Variants in ZNF436 observed in about 807,000 individuals in gnomAD.
The protein encoded by ZNF436 is zinc finger protein 436, also known as DNA-binding protein.
ZNF436 carries 22 observed loss-of-function variants against 41.9 expected under a neutral mutation model. That is an observed-to-expected ratio of 0.53 (90% CI 0.38 to 0.75). The LOEUF (loss-of-function observed/expected upper bound fraction) is 0.75. Among genes scored for constraint, ZNF436 ranks in the 30% least tolerant of loss-of-function variants. The probability of loss-of-function intolerance (pLI) is 0.00; values close to 1 mark genes in which losing one functional copy is unlikely to be tolerated. For synonymous variants in ZNF436, 217 were observed against 197.8 expected, an observed-to-expected ratio of 1.10 and a Z score of -0.82; for missense variants, 506 against 587.3, an observed-to-expected ratio of 0.86 and a Z score of 1.43.
intron 3 of ZNF436, among the ~76,000 whole-genome samples, chr1:23,366,322 G>A (rs1031456328): frequency 6.7e-6 from 1 of 150,176 alleles, no homozygotes; most frequent in Non-Finnish European, 1.5e-5. Context: ...ACCCATACAC[G>A]CTTGCTAATG....
intron 3 of ZNF436, among the ~76,000 whole-genome samples, chr1:23,365,918 A>AG (rs1176168016): frequency 2.2e-3 from 71 of 31,836 alleles, no homozygotes; most frequent in African/African-American, 3.1e-3. Context: ...ATCCTGTCTC[A>AG]AAAAAAAAAA....
intron 1 of ZNF436, 88 bp from the exon 2 acceptor site, chr1:23,368,153 G>A: frequency 1.1e-6 from 1 of 881,870 alleles, no homozygotes; most frequent in Non-Finnish European, 1.8e-6. Flanking sequence ...AAGGCGGGCA[G>A]GGAGGGCCCT....
chr1:23,363,088 G>T lies in ZNF436; in HGVS notation c.294C>A (p.Ser98Arg). The T allele has an allele frequency of 6.2e-7, 1 of 1,614,092 alleles. No homozygotes were observed. The highest frequency in any genetic ancestry group is 1.3e-5 in the African/African-American group (1 of 75,000). ...CCCATTGTCTTTCTGACCTATCTCCGCTTTCAAAGCCCTCTTCACTTTCAG... is the reference window on the plus strand; with the variant it reads ...CCCATTGTCTTTCTGACCTATCTCCTCTTTCAAAGCCCTCTTCACTTTCAG... The part of the protein sequence containing the change: ...ENPESEEGFE[S>R]GDRSERQWGD... The change falls in exon 4 of 4, where the codon AGC becomes AGA. Residue 98 changes from serine (S) to arginine (R), a missense_variant. By Grantham distance (110) the Ser-to-Arg change is moderately radical (BLOSUM62 -1). Coordinates refer to ENST00000314011, the MANE Select transcript of ZNF436 (RefSeq NM_001077195.2).
chr1:23,364,288 A>C (rs926709249), intron 3 of ZNF436, among the ~76,000 whole-genome samples: 6 of 152,110 alleles, frequency 3.9e-5, no homozygotes, highest in African/African-American at 1.4e-4. Flanking sequence ...CCCAGGCCGG[A>C]GTGCAATGGC....
At chr1:23,363,315 GTC>G in intron 3 of ZNF436, 94 bp from the exon 4 acceptor site, 1 of 986,202 alleles carries the variant, frequency 1.0e-6, no homozygotes, top group Non-Finnish European at 1.5e-6. Context: ...TTTAGACAGA[GTC>G]TCACTGTGTT....
In ZNF436 at chr1:23,360,610, C is replaced by G. The variant is rs762035558; in HGVS notation, c.*1359G>C. 7.9e-5 allele frequency: 12 copies of G among 152,562 alleles called. No individual in the cohort carries two copies. Among genetic ancestry groups the G allele is most frequent in the Non-Finnish European group, 1.3e-4 (9 of 68,014 alleles). The allele number at this position is 152,562 out of a possible 1,614,324, so 9.5% of individuals were successfully genotyped here. On this transcript the variant is annotated 3_prime_UTR_variant, in exon 4 of 4. Coordinates refer to ENST00000314011, the MANE Select transcript of ZNF436 (RefSeq NM_001077195.2). ...TGGGAGGATGGAAATACATTCCTAC[C>G]GAGGTTCGTTAATTCCTTCTGACTA... is the stretch of plus-strand genomic sequence containing the variant.
chr1:23,368,924 C>G (rs1219068523), intron 1 of ZNF436: 2 of 155,850 alleles, frequency 1.3e-5, no homozygotes, highest in Non-Finnish European at 2.9e-5. Flanking sequence ...CGGCTCTGTA[C>G]GCAATACAAC....
chr1:23,365,397 C>A (rs1359085307), intron 3 of ZNF436, among the ~76,000 whole-genome samples: 22 of 146,174 alleles, frequency 1.5e-4, no homozygotes, highest in African/African-American at 5.3e-4. Context: ...CTCCATCTCA[C>A]AAAAAAATAA....
chr1:23,362,098 G>A lies in ZNF436; in HGVS notation c.1284C>T (p.Thr428=). Residue 428 remains threonine, a synonymous_variant, in exon 4 of 4, where the codon ACC becomes ACT. Coordinates refer to ENST00000314011, the MANE Select transcript of ZNF436 (RefSeq NM_001077195.2). ...GATGTGTGATGAGGTTGGAGCTCTG[G>A]GTGAAACCTTTCCCACACTGCACAC... is the stretch of plus-strand genomic sequence containing the variant. ...YECVQCGKGF[T]QSSNLITHQR... 1.9e-6 allele frequency: 3 copies of A among 1,613,982 alleles called. No homozygotes were observed. The highest frequency in any genetic ancestry group is 1.7e-6 in the Non-Finnish European group (2 of 1,179,980).
rs951510395 is a variant in ZNF436 at position 23,360,094 on chromosome 1, T to C, written c.*1875A>G. On this transcript the variant is annotated 3_prime_UTR_variant, in exon 4 of 4. Coordinates refer to ENST00000314011, the MANE Select transcript of ZNF436 (RefSeq NM_001077195.2). Reference sequence around the variant, plus strand: ...AATTAAAATATGGATACCCACAGTCTGCTAGATTTTGTAAATAACAAAAAA... The same window carrying C: ...AATTAAAATATGGATACCCACAGTCCGCTAGATTTTGTAAATAACAAAAAA... 2 of 152,234 alleles carry C rather than the reference T, an allele frequency of 1.3e-5. No homozygotes were observed. The highest frequency in any genetic ancestry group is 2.4e-5 in the African/African-American group (1 of 41,450). 9.4% of individuals were successfully genotyped at this position (152,234 alleles called of 1,614,324 possible).
chr1:23,361,998 T>C lies in ZNF436; in HGVS notation c.1384A>G (p.Ile462Val), dbSNP rs768125055. 2 of 1,610,470 alleles carry C rather than the reference T, an allele frequency of 1.2e-6. No individual in the cohort carries two copies. The highest frequency in any genetic ancestry group is 1.7e-6 in the Non-Finnish European group (2 of 1,178,320). The change falls in exon 4 of 4, where the codon ATT becomes GTT. Residue 462 changes from isoleucine (I) to valine (V), a missense_variant. Transcript: ENST00000314011. ...TCCGTATGAACTCTCTTATGTTTAA[T>C]AAGAGCTGAGCTCCTGCTGAAACTC... ...EKSFSRSSAL[I>V]KHKRVHTD
In ZNF436 at chr1:23,362,678, G is replaced by A; in HGVS notation, c.704C>T (p.Ser235Phe). 1 of 1,614,206 alleles carries A rather than the reference G, an allele frequency of 6.2e-7. No homozygotes were observed. The highest frequency in any genetic ancestry group is 2.2e-5 in the East Asian group (1 of 44,876). The change falls in exon 4 of 4, where the codon TCT becomes TTT. Residue 235 changes from serine (S) to phenylalanine (F), a missense_variant. This residue lies in a region of ZNF436 where 278 missense variants were observed against 372.1 expected (regional missense o/e 0.75). Transcript: ENST00000314011. ...NECGKSFCRL[S>F]HLIQHQRTHS... ...GGTCCTTTGGTGTTGGATTAGGTGA[G>A]AGAGACGGCAGAAACTTTTTCCACA...
intron 3 of ZNF436, among the ~76,000 whole-genome samples, chr1:23,364,572 C>G (rs1334980316): frequency 6.6e-6 from 1 of 152,190 alleles, no homozygotes; most frequent in Admixed American, 6.5e-5. Flanking sequence ...AAAAATGAAT[C>G]TTTACCTATG....
Position 23,368,022 on chromosome 1 carries a change from C to T in ZNF436, c.-17G>A. On this transcript the variant is annotated 5_prime_UTR_variant, in exon 2 of 4. Coordinates refer to ENST00000314011, the MANE Select transcript of ZNF436 (RefSeq NM_001077195.2). ...GGCTGCCATCTCGAGCACAAGGGTTCGCCTCCAGGGAGAGAGAGCAGGAAA... is the reference window on the plus strand; with the variant it reads ...GGCTGCCATCTCGAGCACAAGGGTTTGCCTCCAGGGAGAGAGAGCAGGAAA... 6.2e-7 allele frequency: 1 copy of T among 1,613,858 alleles called. No individual in the cohort carries two copies.
chr1:23,367,143 G>A lies in ZNF436; in HGVS notation c.59C>T (p.Ala20Val), dbSNP rs899601484. 4 of 1,612,850 alleles carry A rather than the reference G, an allele frequency of 2.5e-6. No homozygotes were observed. Among genetic ancestry groups the A allele is most frequent in the South Asian group, 1.1e-5 (1 of 90,870 alleles). ...SQAPVTFEDM[A>V]MYLTREEWRP... is the part of the protein sequence containing the mutation. ...CCATTCTTCCCGGGTGAGATACATGGCCATATCTTCAAACGTCACAGGTGC... is the reference window on the plus strand; with the variant it reads ...CCATTCTTCCCGGGTGAGATACATGACCATATCTTCAAACGTCACAGGTGC... The change falls in exon 3 of 4, where the codon GCC (alanine) becomes GTC (valine). Residue 20 changes from alanine to valine, a missense_variant. Ala to Val is a moderately conservative substitution (Grantham distance 64). This residue lies in a region of ZNF436 where 228 missense variants were observed against 215.1 expected (regional missense o/e 1.06). Coordinates refer to ENST00000314011, the MANE Select transcript of ZNF436 (RefSeq NM_001077195.2).
chr1:23,365,754 A>T (rs538309570), intron 3 of ZNF436, among the ~76,000 whole-genome samples: 49 of 151,940 alleles, frequency 3.2e-4, no homozygotes, highest in Middle Eastern at 3.4e-3. Context: ...AAAATTTTTT[A>T]AAAAATAAAA....
intron 1 of ZNF436, chr1:23,368,851 G>A (rs1345028111): frequency 1.3e-5 from 2 of 153,646 alleles, no homozygotes; most frequent in Non-Finnish European, 2.9e-5. Flanking sequence ...GAGACTCGGA[G>A]GCCGCGCTGG....
chr1:23,366,946 T>C, intron 3 of ZNF436, 96 bp downstream of exon 3: 1 of 1,399,416 alleles, frequency 7.1e-7, no homozygotes, highest in Non-Finnish European at 9.6e-7. Flanking sequence ...TTAAGTGCTT[T>C]AAAAAATCAA....
At chr1:23,365,718 A>T (rs1435173159) in intron 3 of ZNF436, among the ~76,000 whole-genome samples, 3 of 151,666 alleles carry the variant, frequency 2.0e-5, no homozygotes, top group African/African-American at 7.3e-5. Context: ...TGTTTCAAAA[A>T]AATTAATTAA....
Sources: gnomAD v4.1 joint callset for allele counts (sites outside exome capture counted in the v4.1 genomes callset) on GRCh38, gnomAD v4.1.1 for gene constraint, gnomAD v4.1.1 regional missense constraint, MANE v1.5 for transcripts, NCBI Gene and HGNC (gene_info 2026-07-23, HGNC 2026-07-21) for gene names.